Variants in COX7B2 observed in about 807,000 individuals in gnomAD.
COX7B2 encodes cytochrome c oxidase subunit 7B2, also known as cytochrome c oxidase subunit 7B2, mitochondrial.
For missense variants in COX7B2, 109 were observed against 95.9 expected, an observed-to-expected ratio of 1.14 and a Z score of -0.57; for synonymous variants, 37 against 32.1, an observed-to-expected ratio of 1.15 and a Z score of -0.51.
At chr4:46,751,349 A>AC (rs111434600) in intron 2 of COX7B2, among the ~76,000 whole-genome samples, 50,841 of 151,832 alleles carry the variant, frequency 0.33, 8,716 homozygotes, top group South Asian at 0.47. Flanking sequence ...TAGAGTGTAT[A>AC]CATGTTATTT....
intron 1 of COX7B2, among the ~76,000 whole-genome samples, chr4:46,890,295 C>A (rs75693616): frequency 6.6e-6 from 1 of 152,122 alleles, no homozygotes; most frequent in Non-Finnish European, 1.5e-5. Flanking sequence ...CAACTAGCTG[C>A]GAACTATAAC....
At chr4:46,893,860 T>C (rs1396237146) in intron 1 of COX7B2, among the ~76,000 whole-genome samples, 2 of 152,136 alleles carry the variant, frequency 1.3e-5, no homozygotes, top group Non-Finnish European at 2.9e-5. Context: ...AATTATCTTA[T>C]ATACCAACAA....
chr4:46,751,783 C>T (rs890381237), intron 2 of COX7B2, among the ~76,000 whole-genome samples: 1 of 151,180 alleles, frequency 6.6e-6, no homozygotes, highest in Non-Finnish European at 1.5e-5. Flanking sequence ...AAAAAGAAAT[C>T]AGGAGCCAAT....
chr4:46,821,688 A>C (rs1714303042), intron 2 of COX7B2, among the ~76,000 whole-genome samples: 1 of 152,234 alleles, frequency 6.6e-6, no homozygotes, highest in Non-Finnish European at 1.5e-5. Flanking sequence ...GTGTTATTCA[A>C]ATGTATAAGT....
At chr4:46,806,156 T>G (rs1577727192) in intron 2 of COX7B2, among the ~76,000 whole-genome samples, 1 of 152,266 alleles carries the variant, frequency 6.6e-6, no homozygotes, top group Admixed American at 6.5e-5. Context: ...TTCCTTTTAA[T>G]GTACTGGCCC....
chr4:46,743,446 A>T (rs1714831023), intron 2 of COX7B2, among the ~76,000 whole-genome samples: 1 of 152,226 alleles, frequency 6.6e-6, no homozygotes, highest in Non-Finnish European at 1.5e-5. Context: ...ATTAACTTAA[A>T]AAAAGTATAT....
At chr4:46,764,851 C>G (rs2109491706) in intron 2 of COX7B2, among the ~76,000 whole-genome samples, 1 of 151,368 alleles carries the variant, frequency 6.6e-6, no homozygotes, top group South Asian at 2.1e-4. Context: ...AAGCACACTA[C>G]CACAAAAAAA....
intron 2 of COX7B2, among the ~76,000 whole-genome samples, chr4:46,831,408 G>A (rs1357383013): frequency 6.6e-6 from 1 of 152,062 alleles, no homozygotes; most frequent in African/African-American, 2.4e-5. Flanking sequence ...CTGTCCCATC[G>A]ACCACCCAGG....
At chr4:46,872,985 C>T (rs1039727640) in intron 1 of COX7B2, among the ~76,000 whole-genome samples, 1 of 150,978 alleles carries the variant, frequency 6.6e-6, no homozygotes, top group East Asian at 1.9e-4. Context: ...CCCCCACCCC[C>T]CAACAGGCCC....
chr4:46,890,188 G>A (rs16859613), intron 1 of COX7B2, among the ~76,000 whole-genome samples: 20,394 of 152,156 alleles, frequency 0.13, 1,481 homozygotes, highest in South Asian at 0.25. Flanking sequence ...AAAGAGAAAA[G>A]TAAGTCTAGG....
intron 2 of COX7B2, among the ~76,000 whole-genome samples, chr4:46,782,113 C>G (rs1717494528): frequency 6.6e-6 from 1 of 152,214 alleles, no homozygotes; most frequent in Non-Finnish European, 1.5e-5. Flanking sequence ...GCAAAGCCAG[C>G]TGGGCTCCTG....
At chr4:46,762,359 C>T (rs1716227196) in intron 2 of COX7B2, among the ~76,000 whole-genome samples, 1 of 103,334 alleles carries the variant, frequency 9.7e-6, no homozygotes, top group Non-Finnish European at 2.0e-5. Context: ...ATATACTATA[C>T]ATGTATATAT....
At chr4:46,765,347 T>A (rs1716466132) in intron 2 of COX7B2, among the ~76,000 whole-genome samples, 1 of 152,162 alleles carries the variant, frequency 6.6e-6, no homozygotes, top group Non-Finnish European at 1.5e-5. Context: ...AAGTGAGTAC[T>A]CAGTTTTGCC....
intron 2 of COX7B2, among the ~76,000 whole-genome samples, chr4:46,789,238 T>G (rs1717908538): frequency 2.0e-5 from 3 of 152,306 alleles, no homozygotes; most frequent in African/African-American, 7.2e-5. Context: ...CTCCTTTGAC[T>G]ATTTAATTGT....
At chr4:46,887,582 G>T (rs1719152356) in intron 1 of COX7B2, among the ~76,000 whole-genome samples, 1 of 151,758 alleles carries the variant, frequency 6.6e-6, no homozygotes, top group African/African-American at 2.4e-5. Context: ...GTGGTGGCAG[G>T]CGCCTGTAGT....
intron 2 of COX7B2, among the ~76,000 whole-genome samples, chr4:46,756,373 C>A (rs1715801001): frequency 6.6e-6 from 1 of 151,844 alleles, no homozygotes; most frequent in Non-Finnish European, 1.5e-5. Flanking sequence ...AAATCCTCTT[C>A]TGGACATTGG....
At chr4:46,905,857 C>G (rs548147902) in intron 1 of COX7B2, among the ~76,000 whole-genome samples, 315 of 108,262 alleles carry the variant, frequency 2.9e-3, no homozygotes, top group Middle Eastern at 0.02. Flanking sequence ...GAGTCTCGCT[C>G]TGTCGCCCAG....
chr4:46,742,332 A>C, intron 2 of COX7B2, among the ~76,000 whole-genome samples: 1 of 148,736 alleles, frequency 6.7e-6, no homozygotes. Flanking sequence ...AGAAACAATA[A>C]AAAAAAGCAA....
chr4:46,762,262 T>C (rs1016804060), intron 2 of COX7B2, among the ~76,000 whole-genome samples: 5 of 141,480 alleles, frequency 3.5e-5, no homozygotes, highest in Admixed American at 7.5e-5. Context: ...TAATATATAA[T>C]ATATTTAATA....
Sources: allele counts gnomAD v4.1 joint callset (sites outside exome capture counted in the v4.1 genomes callset), GRCh38; gene constraint gnomAD v4.1.1; transcripts MANE v1.5; gene names NCBI Gene and HGNC (gene_info 2026-07-23, HGNC 2026-07-21).